The following C6 variants were observed in gnomAD, a reference collection of about 807,000 sequenced individuals.
C6 encodes complement component C6.
C6 carries 101 observed loss-of-function variants against 112.9 expected under a neutral mutation model. The observed-to-expected ratio is 0.89, with a 90% confidence interval of 0.76 to 1.06. The LOEUF is 1.06. Among genes scored for constraint, C6 ranks in the 50% least tolerant of loss-of-function variants. The pLI is 0.00. For missense variants in C6, 1,202 were observed against 1,104.6 expected (o/e 1.09, Z -1.25); for synonymous variants, 431 against 384.1 (o/e 1.12, Z -1.43).
chr5:41,176,410 G>A (rs1748847372), intron 8 of C6, 65 bp downstream of exon 8: 2 of 1,510,622 alleles, frequency 1.3e-6, no homozygotes, highest in Non-Finnish European at 9.2e-7. Flanking sequence ...AAATGATAGA[G>A]TAAGAGAAAA....
chr5:41,157,402 T>C (rs1747019512), intron 13 of C6, among the ~76,000 whole-genome samples: 1 of 152,230 alleles, frequency 6.6e-6, no homozygotes, highest in South Asian at 2.1e-4. Flanking sequence ...GATAATGTTC[T>C]AGGGCAGGGG....
intron 1 of C6, among the ~76,000 whole-genome samples, chr5:41,235,545 A>G (rs1313899703): frequency 5.6e-5 from 8 of 144,108 alleles, no homozygotes. Context: ...ATACGTGTGC[A>G]TGTGTCTTTA....
intron 3 of C6, 93 bp downstream of exon 3, chr5:41,201,465 A>G: frequency 8.2e-7 from 1 of 1,221,286 alleles, no homozygotes; most frequent in Non-Finnish European, 1.2e-6. Context: ...CAGAAATTGA[A>G]GTAATTCAGC....
intron 1 of C6, among the ~76,000 whole-genome samples, chr5:41,257,556 A>G (rs973249832): frequency 6.6e-6 from 1 of 152,160 alleles, no homozygotes; most frequent in Non-Finnish European, 1.5e-5. Context: ...TGCTGGGTTG[A>G]ATGGTTATTG....
chr5:41,151,530 G>C (rs1229435961), intron 15 of C6, among the ~76,000 whole-genome samples: 1 of 152,150 alleles, frequency 6.6e-6, no homozygotes, highest in Non-Finnish European at 1.5e-5. Flanking sequence ...AAACAACGTA[G>C]ATATATAGGA....
intron 9 of C6, among the ~76,000 whole-genome samples, chr5:41,162,298 A>G (rs866795321): frequency 1.3e-5 from 2 of 152,178 alleles, no homozygotes; most frequent in African/African-American, 4.8e-5. Context: ...TTATGTTAGC[A>G]TATGTTTTGG....
upstream of C6, among the ~76,000 whole-genome samples, chr5:41,214,033 A>C (rs1364857721): frequency 6.6e-6 from 1 of 152,180 alleles, no homozygotes; most frequent in Admixed American, 6.6e-5. Flanking sequence ...ATATGTAATG[A>C]TGATTACGCT....
rs1432622896 is a variant in C6, at chr5:41,161,714, A to T, written c.1437T>A (p.Asn479Lys). The stretch of plus-strand genomic sequence containing the variant: ...TTACCTCAAAGTCAATCACAGCAGG[A>T]TTTTCCTTCACTGATTCTAACCACT... ...FSEWLESVKE[N>K]PAVIDFELAP... The change falls in exon 10 of 18, where the codon AAT becomes AAA. Residue 479 changes from asparagine (N) to lysine (K), a missense_variant. By Grantham distance (94) the Asn-to-Lys change is moderately conservative (BLOSUM62 0). Transcript: ENST00000337836. 2 of 1,613,418 alleles carry T rather than the reference A, an allele frequency of 1.2e-6. No homozygotes were observed. Among genetic ancestry groups the T allele is most frequent in the Non-Finnish European group, 1.7e-6 (2 of 1,179,616 alleles).
At chr5:41,230,408 T>C (rs1398668841) in intron 1 of C6, among the ~76,000 whole-genome samples, 2 of 152,094 alleles carry the variant, frequency 1.3e-5, no homozygotes, top group Non-Finnish European at 2.9e-5. Flanking sequence ...GGGAGGTCTA[T>C]AATTGGCCAC....
At chr5:41,259,255 C>T (rs983635628) in intron 1 of C6, among the ~76,000 whole-genome samples, 2 of 149,850 alleles carry the variant, frequency 1.3e-5, no homozygotes, top group Admixed American at 6.7e-5. Context: ...ATAAATCTAA[C>T]CTTAGTTCTT....
intron 1 of C6, among the ~76,000 whole-genome samples, chr5:41,245,689 C>T (rs1247600844): frequency 2.6e-5 from 4 of 151,938 alleles, no homozygotes; most frequent in South Asian, 2.1e-4. Flanking sequence ...TTGAGATAAT[C>T]GTATTATTGT....
intron 6 of C6, among the ~76,000 whole-genome samples, chr5:41,183,763 A>G (rs1438914640): frequency 6.6e-6 from 1 of 152,240 alleles, no homozygotes; most frequent in South Asian, 2.1e-4. Context: ...GGATAAAGAT[A>G]ATGTGGTACA....
intron 1 of C6, among the ~76,000 whole-genome samples, chr5:41,259,982 C>G (rs980675730): frequency 5.9e-5 from 9 of 152,164 alleles, no homozygotes; most frequent in Non-Finnish European, 1.2e-4. Context: ...CTGTAGAGAA[C>G]AAACCACTCT....
intron 1 of C6, among the ~76,000 whole-genome samples, chr5:41,256,457 A>AG (rs1354501048): frequency 6.6e-6 from 1 of 150,598 alleles, no homozygotes; most frequent in Admixed American, 6.6e-5. Context: ...AAAAAAAAAA[A>AG]AAGAGTCTTA....
chr5:41,241,755 A>G (rs1186206816), intron 1 of C6, among the ~76,000 whole-genome samples: 1 of 152,210 alleles, frequency 6.6e-6, no homozygotes, highest in Non-Finnish European at 1.5e-5. Context: ...AGTGGATGCT[A>G]CTACATATAA....
chr5:41,174,474 G>A (rs920986852), intron 8 of C6, among the ~76,000 whole-genome samples: 1 of 152,150 alleles, frequency 6.6e-6, no homozygotes, highest in African/African-American at 2.4e-5. Context: ...TGTAGAAGAT[G>A]ACTTCCCAAT....
chr5:41,254,426 T>C (rs531660999), intron 1 of C6, among the ~76,000 whole-genome samples: 1 of 152,124 alleles, frequency 6.6e-6, no homozygotes, highest in South Asian at 2.1e-4. Context: ...AGAGAAAGAA[T>C]AGTTTTATAA....
At chr5:41,196,645 A>G (rs1580167135) in intron 4 of C6, among the ~76,000 whole-genome samples, 1 of 151,094 alleles carries the variant, frequency 6.6e-6, no homozygotes, top group African/African-American at 2.4e-5. Context: ...TATTAAATAT[A>G]TTAAATATAT....
At chr5:41,208,531 A>G (rs1397596258) in intron 1 of C6, among the ~76,000 whole-genome samples, 1 of 152,214 alleles carries the variant, frequency 6.6e-6, no homozygotes, top group Non-Finnish European at 1.5e-5. Flanking sequence ...AAAAATGATA[A>G]AGGGGATATC....
Sources: gnomAD v4.1 joint callset for allele counts (sites outside exome capture counted in the v4.1 genomes callset) on GRCh38, gnomAD v4.1.1 for gene constraint, MANE v1.5 for transcripts, NCBI Gene and HGNC (gene_info 2026-07-23, HGNC 2026-07-21) for gene names.